Variants in KALRN observed in about 807,000 individuals in gnomAD.
KALRN encodes the protein kalirin.
Under a neutral mutation model 353.7 loss-of-function variants are expected in KALRN, and 70 were observed. That is an observed-to-expected ratio of 0.20 (90% confidence interval 0.16 to 0.24). The LOEUF (loss-of-function observed/expected upper bound fraction) is 0.24. Among genes scored for constraint, KALRN ranks in the 10% least tolerant of loss-of-function variants. The pLI is 1.00. For missense variants in KALRN, 2,791 were observed against 3,756.7 expected, an observed-to-expected ratio of 0.74 and a Z score of 6.72; for synonymous variants, 1,391 against 1,434.8, an observed-to-expected ratio of 0.97 and a Z score of 0.69.
At chr3:124,274,776 T>C (rs2074527320) in intron 5 of KALRN, among the ~76,000 whole-genome samples, 1 of 152,168 alleles carries the variant, frequency 6.6e-6, no homozygotes, top group South Asian at 2.1e-4. Flanking sequence ...TTTTTAGGTG[T>C]TCAGCAGAGA....
At chr3:124,058,664 G>A (rs1469607034) in intron 1 of KALRN, among the ~76,000 whole-genome samples, 1 of 152,064 alleles carries the variant, frequency 6.6e-6, no homozygotes, top group East Asian at 1.9e-4. Flanking sequence ...CCTGCAATTG[G>A]ATTTTTCTGG....
intron 11 of KALRN, among the ~76,000 whole-genome samples, chr3:124,388,177 G>C (rs2088712758): frequency 6.6e-6 from 1 of 151,902 alleles, no homozygotes; most frequent in African/African-American, 2.4e-5. Flanking sequence ...CTTAATCTCT[G>C]TTGCTTTGTA....
intron 5 of KALRN, among the ~76,000 whole-genome samples, chr3:124,291,927 T>A (rs1274791246): frequency 6.6e-6 from 1 of 152,178 alleles, no homozygotes; most frequent in African/African-American, 2.4e-5. Flanking sequence ...CAGGCCCATA[T>A]CCCAGCTGCC....
chr3:124,687,551 G>C (rs2061618707), intron 51 of KALRN, among the ~76,000 whole-genome samples: 1 of 151,870 alleles, frequency 6.6e-6, no homozygotes, highest in African/African-American at 2.4e-5. Context: ...GAGGGGTAAA[G>C]GGGGATATTT....
intron 1 of KALRN, among the ~76,000 whole-genome samples, chr3:124,166,089 C>G (rs1183527624): frequency 6.6e-6 from 1 of 152,134 alleles, no homozygotes; most frequent in Non-Finnish European, 1.5e-5. Context: ...GCCATCTCCT[C>G]AAAGTGGCCT....
rs1282279871 is a variant in KALRN, at chr3:124,482,876, C to T, written c.4260C>T (p.Ile1420=). Reference sequence around the variant, plus strand: ...ACCTAATTAAGCCTGTCCAAAGGATCACCAAATATCAACTGCTCCTGAAGG... The same window carrying T: ...ACCTAATTAAGCCTGTCCAAAGGATTACCAAATATCAACTGCTCCTGAAGG... The part of the protein sequence containing the change: ...SSYLIKPVQR[I]TKYQLLLKEL... Residue 1420 remains isoleucine, a synonymous_variant, in exon 28 of 60, where the codon ATC becomes ATT. Transcript: ENST00000682506. 1 of 1,611,934 alleles carries T rather than the reference C, an allele frequency of 6.2e-7. No homozygotes were observed. Among genetic ancestry groups the T allele is most frequent in the Admixed American group, 1.7e-5 (1 of 60,024 alleles).
At position 124,227,089 on chromosome 3, in the gene KALRN, C is replaced by G. The variant is rs573017055; in HGVS notation, c.74-901C>G. Among the ~76,000 whole-genome samples, 6 of 152,192 alleles carry G rather than the reference C, an allele frequency of 3.9e-5. No homozygotes were observed. The East Asian group carries it at 1.2e-3, about 29-fold the overall frequency. ...GGGTTTGTGTATGTGGAAGCTGGGT[C>G]CTGACTTCCCACAAATCTCACACTG... On this transcript the variant is annotated intron_variant, in intron 1 of 59. Coordinates refer to ENST00000682506, the MANE Select transcript of KALRN (RefSeq NM_001388419.1).
At position 124,204,051 on chromosome 3, in the gene KALRN, C is replaced by A. The variant is rs547872231; in HGVS notation, c.74-23939C>A. On this transcript the variant is annotated intron_variant, in intron 1 of 59. Coordinates refer to ENST00000682506, the MANE Select transcript of KALRN (RefSeq NM_001388419.1). The stretch of plus-strand genomic sequence containing the variant: ...TATACGCGGAGGTCCTGGAACCAAA[C>A]TTCTGTGTATACTGAAGGGCCACTG... Among the ~76,000 whole-genome samples the A allele has an allele frequency of 2.0e-5, 3 of 152,300 alleles. No individual in the cohort carries two copies. In the East Asian group the frequency reaches 5.8e-4, roughly 29 times the overall value.
chr3:124,506,107 C>G (rs576472386), intron 33 of KALRN, among the ~76,000 whole-genome samples: 2 of 152,298 alleles, frequency 1.3e-5, no homozygotes, highest in Admixed American at 1.3e-4. Context: ...TATGGTGAAA[C>G]AGTGAGGACG....
rs5852410 is a variant in KALRN, at chr3:124,546,290, CAAAAAAA to C, written c.4936-16536_4936-16530del. On this transcript the variant is annotated intron_variant, in intron 33 of 59. Transcript: ENST00000682506. ...GCAACATAGTGAGACCCCCATCTCTCAAAAAAAAAAAAAAAAAAAAAAATTAGCCAGG... is the reference window on the plus strand; with the variant it reads ...GCAACATAGTGAGACCCCCATCTCTCAAAAAAAAAAAAAAAATTAGCCAGG... Among the ~76,000 whole-genome samples, 17 of 114,632 alleles carry C rather than the reference CAAAAAAA, an allele frequency of 1.5e-4. No individual in the cohort carries two copies. In the East Asian group the frequency reaches 2.5e-3, roughly 17 times the overall value. The allele number at this position is 114,632 out of a possible 152,430, so 75.2% of individuals were successfully genotyped here.
At chr3:124,091,629 C>T (rs913869232) in intron 1 of KALRN, among the ~76,000 whole-genome samples, 16 of 152,122 alleles carry the variant, frequency 1.1e-4, no homozygotes, top group East Asian at 5.8e-4. Context: ...GCTGAACATC[C>T]GGATGGGCAT....
intron 34 of KALRN, among the ~76,000 whole-genome samples, chr3:124,628,673 T>C (rs2080382326): frequency 6.6e-6 from 1 of 151,346 alleles, no homozygotes; most frequent in Admixed American, 6.6e-5. Flanking sequence ...CCTCCTAGGC[T>C]CAAACTGTTC....
chr3:124,356,359 G>A (rs1208096686), intron 10 of KALRN, among the ~76,000 whole-genome samples: 1 of 116,228 alleles, frequency 8.6e-6, no homozygotes, highest in African/African-American at 3.3e-5. Context: ...TTGAGACAGA[G>A]TTTCTCTCTT....
At chr3:124,208,951 G>C (rs1219963225) in intron 1 of KALRN, among the ~76,000 whole-genome samples, 1 of 151,844 alleles carries the variant, frequency 6.6e-6, no homozygotes, top group East Asian at 1.9e-4. Flanking sequence ...GGGTGACAGA[G>C]TGAGACTCTG....
Position 124,713,147 on chromosome 3 carries a change from C to T in KALRN, c.8276+12C>T, listed in dbSNP as rs778402792. ...CTGATCTTGGAACTGTAAGTACAGA[C>T]GCCATCTCTCTAAAGTCGCCTGCAT... On this transcript the variant is annotated intron_variant, in intron 58 of 59. Transcript: ENST00000682506. 4.1e-5 allele frequency: 65 copies of T among 1,602,642 alleles called. No homozygotes were observed. The highest frequency in any genetic ancestry group is 1.7e-4 in the African/African-American group (13 of 74,494).
intron 1 of KALRN, among the ~76,000 whole-genome samples, chr3:124,223,775 AC>A (rs1157527151): frequency 6.6e-6 from 1 of 152,204 alleles, no homozygotes; most frequent in East Asian, 1.9e-4. Flanking sequence ...GGCCAGTTTT[AC>A]CATTGCCGTG....
chr3:124,647,238 G>T (rs919999489), intron 37 of KALRN, among the ~76,000 whole-genome samples: 1 of 152,002 alleles, frequency 6.6e-6, no homozygotes, highest in Non-Finnish European at 1.5e-5. Context: ...ATGCAGACAG[G>T]TTCCTTATGA....
intron 34 of KALRN, among the ~76,000 whole-genome samples, chr3:124,624,111 C>T (rs1449196570): frequency 6.6e-6 from 1 of 152,214 alleles, no homozygotes; most frequent in Non-Finnish European, 1.5e-5. Flanking sequence ...TGAAATGTCA[C>T]ACCATCCTAC....
chr3:124,690,363 G>C (rs1002562584), intron 51 of KALRN, among the ~76,000 whole-genome samples: 6 of 151,946 alleles, frequency 3.9e-5, no homozygotes, highest in Admixed American at 6.6e-5. Context: ...CTTCAAAGAA[G>C]AAAGAGAAAA....
Sources: allele counts gnomAD v4.1 joint callset (sites outside exome capture counted in the v4.1 genomes callset), GRCh38; gene constraint gnomAD v4.1.1; transcripts MANE v1.5; gene names NCBI Gene and HGNC (gene_info 2026-07-23, HGNC 2026-07-21).